The following FRMD4A variants were observed in gnomAD, a reference collection of about 807,000 sequenced individuals.
FRMD4A encodes the protein FERM domain-containing protein 4A.
In FRMD4A, 29 loss-of-function variants were observed where a neutral mutation model predicts 129.1. The observed-to-expected ratio is 0.22, with a 90% CI of 0.17 to 0.31. FRMD4A has a LOEUF of 0.31. Among genes scored for constraint, FRMD4A ranks in the 10% least tolerant of loss-of-function variants. The probability of loss-of-function intolerance (pLI) is 1.00; values close to 1 mark genes in which losing one functional copy is unlikely to be tolerated. For missense variants in FRMD4A, 1,272 were observed against 1,375.8 expected, an observed-to-expected ratio of 0.92 and a Z score of 1.19; for synonymous variants, 634 against 571.6, an observed-to-expected ratio of 1.11 and a Z score of -1.56.
intron 2 of FRMD4A, among the ~76,000 whole-genome samples, chr10:13,913,514 T>A (rs2094965653): frequency 6.6e-6 from 1 of 152,202 alleles, no homozygotes; most frequent in Non-Finnish European, 1.5e-5. Flanking sequence ...TCAGGCCACG[T>A]CTTTTGATCT....
chr10:13,778,233 A>T (rs1355841280), intron 6 of FRMD4A, among the ~76,000 whole-genome samples: 4 of 150,992 alleles, frequency 2.6e-5, no homozygotes, highest in Non-Finnish European at 4.4e-5. Flanking sequence ...TTTCACATTT[A>T]TTTAAAAAAA....
At chr10:14,200,389 G>T (rs1842601118) in intron 2 of FRMD4A, among the ~76,000 whole-genome samples, 1 of 138,932 alleles carries the variant, frequency 7.2e-6, no homozygotes, top group Non-Finnish European at 1.7e-5. Context: ...CGCCTCCTAG[G>T]TTCAAGTGAT....
intron 2 of FRMD4A, among the ~76,000 whole-genome samples, chr10:13,962,888 G>T (rs1228264252): frequency 6.6e-6 from 1 of 152,162 alleles, no homozygotes; most frequent in African/African-American, 2.4e-5. Context: ...ACAAAGAAAA[G>T]TGCTTTCAAG....
chr10:14,088,150 G>A (rs796144931), intron 2 of FRMD4A, among the ~76,000 whole-genome samples: 4 of 152,206 alleles, frequency 2.6e-5, no homozygotes, highest in African/African-American at 9.6e-5. Flanking sequence ...GTTTTGAGGA[G>A]ATGTGGCTGA....
chr10:13,989,805 A>T (rs1202798076), intron 2 of FRMD4A, among the ~76,000 whole-genome samples: 1 of 152,086 alleles, frequency 6.6e-6, no homozygotes, highest in East Asian at 1.9e-4. Context: ...AATACAGGAC[A>T]CCCAGTTACA....
Position 13,657,153 on chromosome 10 carries a change from GC to G in FRMD4A, c.2435del (p.Gly812AlafsTer85). On this transcript the variant is annotated frameshift_variant, in exon 22 of 25. Coordinates refer to ENST00000357447, the MANE Select transcript of FRMD4A (RefSeq NM_018027.5). LOFTEE classifies it high-confidence loss of function. ...PNLAARGGAG[G>X]AGGAGGGVYL... ...ACACACCGCCCCCCGCGCCCCCCGC[GC>G]CCCCCGCACCCCCGCGCGCCGCCAG... is the stretch of plus-strand genomic sequence containing the variant. 1 of 1,004,916 alleles carries G rather than the reference GC, an allele frequency of 1.0e-6. No individual in the cohort carries two copies. 62.2% of individuals were successfully genotyped at this position (1,004,916 alleles called of 1,614,324 possible).
rs1015309803 is a variant in FRMD4A at position 14,330,614 on chromosome 10, G to A, written c.-99C>T. 2.5e-5 allele frequency: 10 copies of A among 399,836 alleles called. No homozygotes were observed. The East Asian group carries it at 3.6e-4, about 14-fold the overall frequency. The allele number at this position is 399,836 out of a possible 1,614,324, so 24.8% of individuals were successfully genotyped here. A position where few individuals can be genotyped will look rare whatever the true frequency, so the allele number is the denominator to read the frequency against. On this transcript the variant is annotated 5_prime_UTR_variant, in exon 1 of 25. Coordinates refer to ENST00000357447, the MANE Select transcript of FRMD4A (RefSeq NM_018027.5). ...CAACATACCGCTCGCAATCTGGTCA[G>A]TGTCTTCTTTGCTGCAGATAGGTGT...
At chr10:13,662,205 GC>G (rs2082688714) in intron 19 of FRMD4A, among the ~76,000 whole-genome samples, 1 of 152,286 alleles carries the variant, frequency 6.6e-6, no homozygotes, top group Non-Finnish European at 1.5e-5. Context: ...TGATGCTCAA[GC>G]CCCCCATTTC....
chr10:14,259,450 A>G (rs976047928), intron 2 of FRMD4A, among the ~76,000 whole-genome samples: 1 of 152,170 alleles, frequency 6.6e-6, no homozygotes, highest in Non-Finnish European at 1.5e-5. Flanking sequence ...TTCAATTTTA[A>G]TAATAAATGC....
chr10:13,734,428 A>T (rs927594092), intron 12 of FRMD4A, among the ~76,000 whole-genome samples: 1 of 152,148 alleles, frequency 6.6e-6, no homozygotes, highest in Non-Finnish European at 1.5e-5. Flanking sequence ...CAGAGCCTTC[A>T]AGCCTCCAGG....
intron 18 of FRMD4A, among the ~76,000 whole-genome samples, chr10:13,664,912 C>T (rs540510198): frequency 2.6e-5 from 4 of 152,022 alleles, no homozygotes; most frequent in South Asian, 2.1e-4. Context: ...GATAGAGTTT[C>T]GCTCTTGTTG....
At chr10:13,792,920 G>A (rs996124503) in intron 5 of FRMD4A, among the ~76,000 whole-genome samples, 3 of 152,206 alleles carry the variant, frequency 2.0e-5, no homozygotes, top group Admixed American at 6.5e-5. Context: ...ATCTGGCTTC[G>A]TGGATGGAGA....
chr10:14,221,474 A>G (rs990112123), intron 2 of FRMD4A, among the ~76,000 whole-genome samples: 1 of 152,170 alleles, frequency 6.6e-6, no homozygotes, highest in African/African-American at 2.4e-5. Flanking sequence ...CGTGATCTGG[A>G]GAGGGGAATT....
At chr10:13,976,450 C>T (rs546692279) in intron 2 of FRMD4A, among the ~76,000 whole-genome samples, 1 of 152,244 alleles carries the variant, frequency 6.6e-6, no homozygotes, top group African/African-American at 2.4e-5. Context: ...CTCCCACCTC[C>T]GTCCCACTGG....
chr10:14,220,247 A>G (rs1339207073), intron 2 of FRMD4A, among the ~76,000 whole-genome samples: 3 of 152,148 alleles, frequency 2.0e-5, no homozygotes, highest in African/African-American at 7.2e-5. Context: ...AGTGTGAGTC[A>G]CCTCCACCAA....
At chr10:14,288,895 C>T (rs1310207488) in intron 2 of FRMD4A, among the ~76,000 whole-genome samples, 1 of 152,170 alleles carries the variant, frequency 6.6e-6, no homozygotes, top group Non-Finnish European at 1.5e-5. Flanking sequence ...CTATGCATGG[C>T]TTATTTCACT....
intron 2 of FRMD4A, among the ~76,000 whole-genome samples, chr10:13,957,855 C>T (rs2095419176): frequency 6.6e-6 from 1 of 151,998 alleles, no homozygotes. Context: ...CTGTAAGCCA[C>T]TTACAAAGTT....
At chr10:14,068,084 C>A (rs1835146847) in intron 2 of FRMD4A, among the ~76,000 whole-genome samples, 1 of 152,232 alleles carries the variant, frequency 6.6e-6, no homozygotes, top group Non-Finnish European at 1.5e-5. Context: ...AATGTGCTTT[C>A]TGGGATCATC....
At chr10:13,910,494 G>A (rs1233657487) in intron 2 of FRMD4A, among the ~76,000 whole-genome samples, 2 of 152,194 alleles carry the variant, frequency 1.3e-5, no homozygotes, top group African/African-American at 2.4e-5. Flanking sequence ...CTACATAAAT[G>A]CTGGTTATTT....
Sources: allele counts gnomAD v4.1 joint callset (sites outside exome capture counted in the v4.1 genomes callset), GRCh38; gene constraint gnomAD v4.1.1; transcripts MANE v1.5; gene names NCBI Gene and HGNC (gene_info 2026-07-23, HGNC 2026-07-21).